Variants in SLC22A24 observed in about 807,000 individuals in gnomAD.
SLC22A24 encodes the protein solute carrier family 22 member 24.
Under a neutral mutation model 49.8 loss-of-function variants are expected in SLC22A24, and 53 were observed. The observed-to-expected ratio is 1.06, with a 90% CI of 0.85 to 1.34. The LOEUF (loss-of-function observed/expected upper bound fraction) is 1.34. Ranked by LOEUF, SLC22A24 falls within the 40% of genes most tolerant of loss-of-function variation. The probability of loss-of-function intolerance (pLI) is 0.00; values close to 1 mark genes in which losing one functional copy is unlikely to be tolerated. For missense variants in SLC22A24, 786 were observed against 675.9 expected (o/e 1.16, Z -1.81); for synonymous variants, 302 against 256.4 (o/e 1.18, Z -1.70).
At chr11:63,118,149 G>C (rs1244276948) in intron 4 of SLC22A24, among the ~76,000 whole-genome samples, 1 of 152,084 alleles carries the variant, frequency 6.6e-6, no homozygotes, top group Non-Finnish European at 1.5e-5. Context: ...AATAATGACA[G>C]CTTTTTGTGA....
intron 6 of SLC22A24, among the ~76,000 whole-genome samples, chr11:63,086,040 T>C (rs148602252): frequency 3.3e-5 from 5 of 152,228 alleles, no homozygotes; most frequent in African/African-American, 1.2e-4. Context: ...AAATAACAGA[T>C]ACCGGTGAGG....
rs2086959364 is a variant in SLC22A24, at chr11:63,081,411, G to A, written c.1394+147C>T. ...CAGCTTTGATAATTTGATAATAATAGCACATATATGGCTCTCAGTTACTCT... is the reference window on the plus strand; with the variant it reads ...CAGCTTTGATAATTTGATAATAATAACACATATATGGCTCTCAGTTACTCT... On this transcript the variant is annotated intron_variant, in intron 8 of 9. Coordinates refer to ENST00000612278, the MANE Select transcript of SLC22A24 (RefSeq NM_001136506.2). 2.6e-5 allele frequency: 17 copies of A among 656,634 alleles called. No individual in the cohort carries two copies. In the South Asian group the frequency reaches 2.9e-4, roughly 11 times the overall value. The allele number at this position is 656,634 out of a possible 1,614,324, so 40.7% of individuals were successfully genotyped here.
At chr11:63,128,776 C>T (rs1324426386) in intron 2 of SLC22A24, among the ~76,000 whole-genome samples, 1 of 152,232 alleles carries the variant, frequency 6.6e-6, no homozygotes. Flanking sequence ...CATTCCTTAC[C>T]CTGCCCCCTT....
chr11:63,140,074 T>TGG (rs371838564), intron 1 of SLC22A24, among the ~76,000 whole-genome samples: 2 of 113,760 alleles, frequency 1.8e-5, no homozygotes, highest in Non-Finnish European at 3.6e-5. Context: ...TTTGTTTTTT[T>TGG]GTTTTTTTTT....
At chr11:63,093,025 G>A (rs189319398) in intron 6 of SLC22A24, among the ~76,000 whole-genome samples, 1 of 152,170 alleles carries the variant, frequency 6.6e-6, no homozygotes, top group Non-Finnish European at 1.5e-5. Flanking sequence ...CAAAAAGTGG[G>A]CAAAGGACAT....
In SLC22A24 at chr11:63,143,450, C is replaced by T; in HGVS notation, c.330G>A (p.Glu110=). The T allele has an allele frequency of 6.3e-7, 1 of 1,580,732 alleles. No homozygotes were observed. The highest frequency in any genetic ancestry group is 8.6e-7 in the Non-Finnish European group (1 of 1,164,980). The change falls in exon 1 of 10, where the codon GAG becomes GAA. Residue 110 remains glutamate (E), a synonymous_variant. Transcript: ENST00000612278. ...CATCCACACAGGGCTCCGTGTCTGG[C>T]TCATTTGTGTTGGGGAAGGTCCCGT... ...HLNGTFPNTN[E]PDTEPCVDGW...
chr11:63,089,106 C>A (rs924758940), intron 6 of SLC22A24, among the ~76,000 whole-genome samples: 3 of 151,972 alleles, frequency 2.0e-5, no homozygotes, highest in Non-Finnish European at 4.4e-5. Flanking sequence ...AAGAGCAAAC[C>A]CCAAGACACA....
intron 5 of SLC22A24, among the ~76,000 whole-genome samples, chr11:63,100,440 T>C (rs1186793556): frequency 4.6e-5 from 7 of 152,246 alleles, no homozygotes; most frequent in Non-Finnish European, 5.9e-5. Context: ...AATGAAAATA[T>C]ATTCCATGTT....
At position 63,143,361 on chromosome 11, in the gene SLC22A24, T is replaced by C. The variant is rs2087428316; in HGVS notation, c.402+17A>G. On this transcript the variant is annotated intron_variant, in intron 1 of 9. Coordinates refer to ENST00000612278, the MANE Select transcript of SLC22A24 (RefSeq NM_001136506.2). ...ACTTTAATCATATAAACAGAAGATT[T>C]ACATGGGGCCTCTTACCTCAGTCAC... 6 of 1,432,412 alleles carry C rather than the reference T, an allele frequency of 4.2e-6. No individual in the cohort carries two copies. In the East Asian group the frequency reaches 1.6e-4, roughly 37 times the overall value. 88.7% of individuals were successfully genotyped at this position (1,432,412 alleles called of 1,614,324 possible).
intron 6 of SLC22A24, among the ~76,000 whole-genome samples, chr11:63,094,570 T>C (rs924876198): frequency 6.6e-6 from 1 of 152,158 alleles, no homozygotes; most frequent in Non-Finnish European, 1.5e-5. Flanking sequence ...ACTTCCACAA[T>C]GGTTAAACTA....
chr11:63,084,049 C>T (rs1023968914), intron 6 of SLC22A24, among the ~76,000 whole-genome samples: 2 of 152,140 alleles, frequency 1.3e-5, no homozygotes, highest in Admixed American at 6.5e-5. Flanking sequence ...AAAAGGTCAA[C>T]AATATCTTTT....
Position 63,141,220 on chromosome 11 carries a change from G to A in SLC22A24, c.402+2158C>T, listed in dbSNP as rs551333857. Among the ~76,000 whole-genome samples the A allele has an allele frequency of 9.2e-5, 14 of 152,294 alleles. No homozygotes were observed. In the South Asian group the frequency reaches 2.9e-3, roughly 32 times the overall value. On this transcript the variant is annotated intron_variant, in intron 1 of 9. Coordinates refer to ENST00000612278, the MANE Select transcript of SLC22A24 (RefSeq NM_001136506.2). ...AAAAACAAACTTTAACATTAAAGATGCACTAATGCAAACATGAAATTTGGT... is the reference window on the plus strand; with the variant it reads ...AAAAACAAACTTTAACATTAAAGATACACTAATGCAAACATGAAATTTGGT...
chr11:63,135,540 A>G (rs2087367824), intron 1 of SLC22A24, among the ~76,000 whole-genome samples: 1 of 152,224 alleles, frequency 6.6e-6, no homozygotes, highest in African/African-American at 2.4e-5. Flanking sequence ...TGCAAATGTA[A>G]TTGTGGTTTT....
intron 4 of SLC22A24, among the ~76,000 whole-genome samples, chr11:63,107,030 A>C (rs185132868): frequency 0.013 from 1,948 of 152,094 alleles, 41 homozygotes; most frequent in African/African-American, 0.044. Flanking sequence ...AATGGTATTG[A>C]CTAGGTTTTC....
intron 4 of SLC22A24, among the ~76,000 whole-genome samples, chr11:63,107,647 A>T (rs1422976670): frequency 1.3e-5 from 2 of 152,056 alleles, no homozygotes; most frequent in Non-Finnish European, 2.9e-5. Flanking sequence ...AAGTACTGTC[A>T]CATCCCTTGT....
intron 6 of SLC22A24, among the ~76,000 whole-genome samples, chr11:63,084,851 G>T (rs952835564): frequency 6.6e-6 from 1 of 152,050 alleles, no homozygotes; most frequent in Non-Finnish European, 1.5e-5. Flanking sequence ...CTCTAACTCT[G>T]AATGAATATC....
intron 7 of SLC22A24, among the ~76,000 whole-genome samples, chr11:63,082,999 C>A (rs1316719616): frequency 6.6e-6 from 1 of 152,202 alleles, no homozygotes; most frequent in South Asian, 2.1e-4. Context: ...TGTCCAGATT[C>A]ATCTTGGCTG....
chr11:63,080,311 A>C (rs2086951776), intron 9 of SLC22A24, among the ~76,000 whole-genome samples: 1 of 152,150 alleles, frequency 6.6e-6, no homozygotes, highest in Non-Finnish European at 1.5e-5. Flanking sequence ...TCATCATTTA[A>C]AATCCTGCTT....
chr11:63,134,014 A>T (rs1244374309), intron 2 of SLC22A24, among the ~76,000 whole-genome samples: 2 of 152,224 alleles, frequency 1.3e-5, no homozygotes, highest in African/African-American at 2.4e-5. Flanking sequence ...AGATAAATAC[A>T]ATCTATTTTG....
Sources: allele counts gnomAD v4.1 joint callset (sites outside exome capture counted in the v4.1 genomes callset), GRCh38; gene constraint gnomAD v4.1.1; transcripts MANE v1.5; gene names NCBI Gene and HGNC (gene_info 2026-07-23, HGNC 2026-07-21).